MEGF11: variants seen among roughly 807,000 people sequenced by gnomAD.
MEGF11 encodes multiple epidermal growth factor-like domains protein 11.
MEGF11 carries 126 observed loss-of-function variants against 146.6 expected under a neutral mutation model. The observed-to-expected ratio is 0.86, with a 90% CI of 0.74 to 1.00. The LOEUF is 1.00. Ranked by LOEUF, MEGF11 falls within the 50% of genes least tolerant of loss-of-function variation. The pLI is 0.00. For synonymous variants in MEGF11, 532 were observed against 583.4 expected (o/e 0.91, Z 1.27); for missense variants, 1,509 against 1,521.2 (o/e 0.99, Z 0.13).
chr15:66,082,047 G>C (rs2085880665), intron 5 of MEGF11, among the ~76,000 whole-genome samples: 1 of 152,184 alleles, frequency 6.6e-6, no homozygotes, highest in Non-Finnish European at 1.5e-5. Flanking sequence ...CTCCAGAACT[G>C]TGAGAAACAC....
chr15:65,900,734 A>G (rs1264710864), intron 24 of MEGF11, among the ~76,000 whole-genome samples: 4 of 152,240 alleles, frequency 2.6e-5, no homozygotes, highest in African/African-American at 9.6e-5. Context: ...CTGTAGAACC[A>G]GGCTCAGCAT....
intron 4 of MEGF11, among the ~76,000 whole-genome samples, chr15:66,116,228 C>T (rs1005581960): frequency 4.6e-5 from 7 of 152,168 alleles, no homozygotes; most frequent in African/African-American, 1.7e-4. Flanking sequence ...CTGTCTCTGT[C>T]TAGCCTTTTT....
intron 1 of MEGF11, among the ~76,000 whole-genome samples, chr15:66,154,354 C>T (rs1186988990): frequency 6.6e-6 from 1 of 152,228 alleles, no homozygotes; most frequent in East Asian, 1.9e-4. Context: ...TCAGCCATCT[C>T]TTCTGGGATC....
Position 65,982,300 on chromosome 15 carries a change from C to T in MEGF11, c.583G>A (p.Ala195Thr), listed in dbSNP as rs2081675355. 1 of 1,539,106 alleles carries T rather than the reference C, an allele frequency of 6.5e-7. No homozygotes were observed. ...CQLPCQCRHG[A>T]SCDPRAGECL... Reference sequence around the variant, plus strand: ...TCGCCGGCGCGGGGGTCGCAGCTGGCACCGTGTCGGCACTGGCACGGCAGC... The same window carrying T: ...TCGCCGGCGCGGGGGTCGCAGCTGGTACCGTGTCGGCACTGGCACGGCAGC... The change falls in exon 6 of 26, where the codon GCC becomes ACC. Residue 195 changes from alanine (A) to threonine (T), a missense_variant. Ala to Thr is a moderately conservative substitution (Grantham distance 58). Transcript: ENST00000395614. The surrounding 1 kb of genome is among the most constrained non-coding windows in gnomAD (Gnocchi z 5.6).
At chr15:66,248,986 G>A (rs532862642) in intron 1 of MEGF11, among the ~76,000 whole-genome samples, 3 of 152,150 alleles carry the variant, frequency 2.0e-5, no homozygotes, top group Admixed American at 6.5e-5. Context: ...CTCTTTTATG[G>A]TTCTTTTCTT....
intron 1 of MEGF11, among the ~76,000 whole-genome samples, chr15:66,170,063 A>G (rs989472786): frequency 6.6e-6 from 1 of 152,252 alleles, no homozygotes; most frequent in African/African-American, 2.4e-5. Context: ...TTTTAAATTA[A>G]GTGTAGCTCC....
At chr15:66,229,964 G>C (rs903044569) in intron 1 of MEGF11, among the ~76,000 whole-genome samples, 61 of 152,208 alleles carry the variant, frequency 4.0e-4, no homozygotes, top group Non-Finnish European at 1.0e-4. Flanking sequence ...AGTGGCAGTG[G>C]TGCGAACTTC....
Position 65,929,848 on chromosome 15 carries a change from T to C in MEGF11, c.1444A>G (p.Ser482Gly). 1.3e-6 allele frequency: 2 copies of C among 1,596,990 alleles called. No individual in the cohort carries two copies. The highest frequency in any genetic ancestry group is 1.1e-5 in the South Asian group (1 of 87,840). Reference sequence around the variant, plus strand: ...TTGCAGTTCAGGCCCCACGTCCCACTGGGACATGGCAGGGTGCAGTCCAGG... The same window carrying C: ...TTGCAGTTCAGGCCCCACGTCCCACCGGGACATGGCAGGGTGCAGTCCAGG... ...QGLDCTLPCP[S>G]GTWGLNCNES... is the part of the protein sequence containing the mutation. Residue 482 changes from serine to glycine, a missense_variant, in exon 12 of 26, where the codon AGT becomes GGT. Transcript: ENST00000395614.
At chr15:66,004,247 T>C (rs963282911) in intron 5 of MEGF11, among the ~76,000 whole-genome samples, 1 of 152,168 alleles carries the variant, frequency 6.6e-6, no homozygotes, top group Admixed American at 6.5e-5. Flanking sequence ...GACCTTGTTT[T>C]CCTCATTTGT....
rs553713581 is a variant in MEGF11, at chr15:66,150,875, G to A, written c.-8-22464C>T. On this transcript the variant is annotated intron_variant, in intron 1 of 25. Coordinates refer to ENST00000395614, the MANE Select transcript of MEGF11 (RefSeq NM_001385028.1). ...GAGAGAGAGAGAGAGAGAGAGGAAA[G>A]AATTTTCCAAGGCCACACCCCTTGT... 3.6e-4 allele frequency among the ~76,000 whole-genome samples: 49 copies of A among 135,732 alleles called. 1 individual carries two copies. The highest frequency in any genetic ancestry group is 6.5e-4 in the Non-Finnish European group (42 of 64,516). The allele number at this position is 135,732 out of a possible 152,430, so 89.0% of individuals were successfully genotyped here.
chr15:65,945,483 G>T (rs1045539098), intron 10 of MEGF11, among the ~76,000 whole-genome samples: 1 of 152,154 alleles, frequency 6.6e-6, no homozygotes, highest in African/African-American at 2.4e-5. Flanking sequence ...CTGAGGAGGG[G>T]CTCAGCCCTG....
intron 24 of MEGF11, chr15:65,905,279 A>G (rs2078592806): frequency 6.6e-6 from 1 of 152,132 alleles, no homozygotes; most frequent in African/African-American, 2.4e-5. Flanking sequence ...AACACTTCCC[A>G]TTGGTGATTT....
intron 1 of MEGF11, among the ~76,000 whole-genome samples, chr15:66,213,774 C>T (rs927696900): frequency 6.6e-6 from 1 of 151,924 alleles, no homozygotes; most frequent in Non-Finnish European, 1.5e-5. Context: ...CCACATGTGA[C>T]TAGTAGCTAC....
chr15:66,140,229 G>A (rs2089080576), intron 1 of MEGF11, among the ~76,000 whole-genome samples: 3 of 152,160 alleles, frequency 2.0e-5, no homozygotes, highest in Non-Finnish European at 2.9e-5. Context: ...AGAGAAATTT[G>A]ATCCTATTCA....
At chr15:66,190,116 C>T (rs1233565192) in intron 1 of MEGF11, among the ~76,000 whole-genome samples, 4 of 152,316 alleles carry the variant, frequency 2.6e-5, no homozygotes, top group East Asian at 1.9e-4. Flanking sequence ...ATCCGAATCT[C>T]GGCATGTCTA....
intron 5 of MEGF11, among the ~76,000 whole-genome samples, chr15:66,033,078 C>CAAAAAAAAAAAAAAAA (rs60932678): frequency 1.5e-4 from 12 of 80,610 alleles, no homozygotes; most frequent in African/African-American, 4.3e-4. Flanking sequence ...GAGACTCCAT[C>CAAAAAAAAAAAAAAAA]AAAAAAAAAA....
intron 5 of MEGF11, among the ~76,000 whole-genome samples, chr15:66,055,870 G>T (rs1338015516): frequency 6.6e-6 from 1 of 152,102 alleles, no homozygotes; most frequent in African/African-American, 2.4e-5. Context: ...GTAGAGACTG[G>T]CCAGGATAAA....
At chr15:66,018,676 C>CGTGTGCAAGTGTGCAA (rs61127824) in intron 5 of MEGF11, among the ~76,000 whole-genome samples, 1 of 151,268 alleles carries the variant, frequency 6.6e-6, no homozygotes, top group Non-Finnish European at 1.5e-5. Context: ...AGGGTGTCTG[C>CGTGTGCAAGTGTGCAA]GTGTGCAAGT....
At chr15:65,903,485 G>T (rs1384193330) in intron 24 of MEGF11, among the ~76,000 whole-genome samples, 2 of 152,214 alleles carry the variant, frequency 1.3e-5, no homozygotes, top group Non-Finnish European at 2.9e-5. Flanking sequence ...CTTTTGGAAT[G>T]TCAGAGCTTG....
Sources: allele counts gnomAD v4.1 joint callset (sites outside exome capture counted in the v4.1 genomes callset), GRCh38; gene constraint gnomAD v4.1.1; non-coding constraint Gnocchi (gnomAD v3.1); transcripts MANE v1.5; gene names NCBI Gene and HGNC (gene_info 2026-07-23, HGNC 2026-07-21).